Variants in SOX5 observed in about 807,000 individuals in gnomAD.
The protein encoded by SOX5 is SRY-box transcription factor 5, also known as transcription factor SOX-5.
Under a neutral mutation model 92.0 loss-of-function variants are expected in SOX5, and 9 were observed. That is an observed-to-expected ratio of 0.10 (90% CI 0.06 to 0.17). SOX5 has a LOEUF of 0.17. Among genes scored for constraint, SOX5 ranks in the 10% least tolerant of loss-of-function variants. The probability of loss-of-function intolerance (pLI) is 1.00; values close to 1 mark genes in which losing one functional copy is unlikely to be tolerated. For missense variants in SOX5, 642 were observed against 944.5 expected (o/e 0.68, Z 4.20); for synonymous variants, 344 against 336.3 (o/e 1.02, Z -0.25).
chr12:24,111,256 G>A (rs1947319184), intron 4 of SOX5, among the ~76,000 whole-genome samples: 1 of 152,142 alleles, frequency 6.6e-6, no homozygotes, highest in African/African-American at 2.4e-5. Context: ...AAAGGCTTCA[G>A]GGAATATCTT....
Position 23,979,711 on chromosome 12 carries a change from T to TG in SOX5, c.-1-83688_-1-83687insC, listed in dbSNP as rs1569370275. ...ATATATATATATGTTTTTTTTGTTT[T>TG]TTTTTTTTTTTTTTTTTTTTTTTGG... On this transcript the variant is annotated intron_variant, in intron 4 of 4. Coordinates refer to the SOX5 transcript ENST00000446891. Among the ~76,000 whole-genome samples the TG allele has an allele frequency of 6.0e-4, 63 of 105,150 alleles. 1 individual carries two copies. The highest frequency in any genetic ancestry group is 2.3e-3 in the African/African-American group (61 of 26,770). The allele number at this position is 105,150 out of a possible 152,430, so 69.0% of individuals were successfully genotyped here. A position where few individuals can be genotyped will look rare whatever the true frequency, so the allele number is the denominator to read the frequency against.
At chr12:24,302,480 C>T (rs776860894) in intron 2 of SOX5, among the ~76,000 whole-genome samples, 1 of 151,994 alleles carries the variant, frequency 6.6e-6, no homozygotes, top group Non-Finnish European at 1.5e-5. Context: ...AGTTTCAAGA[C>T]CTTGCTTCTT....
chr12:23,885,060 C>T (rs1222555381), intron 2 of SOX5, among the ~76,000 whole-genome samples: 1 of 152,080 alleles, frequency 6.6e-6, no homozygotes, highest in African/African-American at 2.4e-5. Flanking sequence ...TTCTCCAGCT[C>T]CCATGTCCCT....
chr12:24,137,131 G>A (rs908216041), intron 4 of SOX5, among the ~76,000 whole-genome samples: 2 of 152,162 alleles, frequency 1.3e-5, no homozygotes, highest in African/African-American at 2.4e-5. Flanking sequence ...TTAGTGGTTT[G>A]TTGTACATAG....
At chr12:24,429,190 G>A (rs867462191) in intron 1 of SOX5, among the ~76,000 whole-genome samples, 1 of 152,036 alleles carries the variant, frequency 6.6e-6, no homozygotes, top group Non-Finnish European at 1.5e-5. Flanking sequence ...GGTGGCAGGC[G>A]CCTGTAGTCC....
chr12:24,423,565 A>T (rs1966258899), intron 1 of SOX5, among the ~76,000 whole-genome samples: 2 of 152,244 alleles, frequency 1.3e-5, no homozygotes, highest in Non-Finnish European at 2.9e-5. Flanking sequence ...ATAACAAAGT[A>T]TGTAGAAATC....
At chr12:24,315,475 T>G (rs1778151936) in intron 2 of SOX5, among the ~76,000 whole-genome samples, 1 of 152,096 alleles carries the variant, frequency 6.6e-6, no homozygotes, top group Admixed American at 6.5e-5. Flanking sequence ...AAAACATGAG[T>G]TAAGCATATT....
At chr12:24,221,669 T>C (rs1960471172) in intron 3 of SOX5, among the ~76,000 whole-genome samples, 2 of 152,280 alleles carry the variant, frequency 1.3e-5, no homozygotes, top group South Asian at 2.1e-4. Flanking sequence ...TGGACAAAAA[T>C]CTCTCATGCA....
intron 4 of SOX5, among the ~76,000 whole-genome samples, chr12:24,067,796 A>G (rs1174612020): frequency 6.6e-6 from 1 of 152,228 alleles, no homozygotes; most frequent in African/African-American, 2.4e-5. Context: ...TAGAAAAACA[A>G]GAAGGTGAAA....
chr12:24,362,663 C>A (rs1282617257), intron 2 of SOX5, among the ~76,000 whole-genome samples: 1 of 152,126 alleles, frequency 6.6e-6, no homozygotes, highest in Non-Finnish European at 1.5e-5. Flanking sequence ...TGACAGGACT[C>A]TGTGATCAGG....
At chr12:24,261,289 G>A (rs1196260527) in intron 3 of SOX5, among the ~76,000 whole-genome samples, 1 of 152,148 alleles carries the variant, frequency 6.6e-6, no homozygotes, top group Non-Finnish European at 1.5e-5. Context: ...AAAGGTAGCT[G>A]ATGGACTCAT....
chr12:24,395,387 G>A (rs1029731017), intron 1 of SOX5, among the ~76,000 whole-genome samples: 2 of 152,102 alleles, frequency 1.3e-5, no homozygotes, highest in Non-Finnish European at 2.9e-5. Context: ...GAGCATGAGT[G>A]GTGATTTGAC....
At chr12:24,417,864 C>A (rs890635586) in intron 1 of SOX5, among the ~76,000 whole-genome samples, 2 of 152,100 alleles carry the variant, frequency 1.3e-5, no homozygotes, top group Non-Finnish European at 2.9e-5. Flanking sequence ...ACAGCTGGAA[C>A]AAAATGTTCA....
intron 4 of SOX5, among the ~76,000 whole-genome samples, chr12:24,124,708 A>G (rs1565484386): frequency 1.3e-5 from 2 of 152,220 alleles, no homozygotes; most frequent in Admixed American, 6.5e-5. Context: ...ACTGGTCTCC[A>G]GTGGAGACTA....
intron 4 of SOX5, among the ~76,000 whole-genome samples, chr12:24,058,441 C>A (rs575678831): frequency 1.2e-4 from 19 of 152,272 alleles, no homozygotes; most frequent in African/African-American, 4.6e-4. Context: ...TCAATACATC[C>A]CCTCGTAGGT....
chr12:24,252,689 TAAAAAAAA>T (rs542347992), intron 3 of SOX5, among the ~76,000 whole-genome samples: 35 of 136,848 alleles, frequency 2.6e-4, no homozygotes, highest in African/African-American at 9.0e-4. Flanking sequence ...GTCTATGCTT[TAAAAAAAA>T]AAAAAAAAAG....
At chr12:24,194,441 G>T (rs796615218) in intron 4 of SOX5, among the ~76,000 whole-genome samples, 1 of 134,126 alleles carries the variant, frequency 7.5e-6, no homozygotes, top group South Asian at 2.3e-4. Context: ...ATGTAGGTAG[G>T]TAGGTAGGTA....
intron 6 of SOX5, among the ~76,000 whole-genome samples, chr12:23,692,738 GA>G (rs1460887836): frequency 5.3e-5 from 8 of 152,244 alleles, no homozygotes; most frequent in Non-Finnish European, 1.2e-4. Context: ...TTACAATTGA[GA>G]GGGGCACGGT....
chr12:23,840,296 A>G (rs772401614), intron 3 of SOX5, among the ~76,000 whole-genome samples: 3 of 152,174 alleles, frequency 2.0e-5, no homozygotes, highest in Non-Finnish European at 4.4e-5. Context: ...TTTAAGATCT[A>G]TATGTGGAAA....
Sources: allele counts gnomAD v4.1 joint callset (sites outside exome capture counted in the v4.1 genomes callset), GRCh38; gene constraint gnomAD v4.1.1; transcripts MANE v1.5; gene names NCBI Gene and HGNC (gene_info 2026-07-23, HGNC 2026-07-21).